The following KDM4C variants were observed in gnomAD, a reference collection of about 807,000 sequenced individuals.
KDM4C encodes the protein lysine demethylase 4C.
Under a neutral mutation model 129.3 loss-of-function variants are expected in KDM4C, and 81 were observed. That is an observed-to-expected ratio of 0.63 (90% CI 0.52 to 0.75). KDM4C has a LOEUF of 0.75. KDM4C is among the 30% of genes least tolerant of loss of function. KDM4C has a pLI of 0.00. For missense variants in KDM4C, 1,457 were observed against 1,304.0 expected (o/e 1.12, Z -1.81); for synonymous variants, 573 against 456.1 (o/e 1.26, Z -3.26).
At position 6,842,444 on chromosome 9, in the gene KDM4C, CTT is replaced by C. The variant is rs557128982; in HGVS notation, c.436-7062_436-7061del. ...CCGCCTCCTGGGTTCACGTGATTCT[CTT>C]GTCTCAGTCTCTTGAGTAGCTGGGA... On this transcript the variant is annotated intron_variant, in intron 4 of 21. Coordinates refer to ENST00000381309, the MANE Select transcript of KDM4C (RefSeq NM_015061.6). Among the ~76,000 whole-genome samples the C allele has an allele frequency of 1.9e-3, 287 of 150,602 alleles. 1 individual carries two copies. The highest frequency in any genetic ancestry group is 6.8e-3 in the African/African-American group (278 of 40,978).
At chr9:7,138,258 G>A (rs1034989206) in intron 19 of KDM4C, among the ~76,000 whole-genome samples, 1 of 152,148 alleles carries the variant, frequency 6.6e-6, no homozygotes, top group Non-Finnish European at 1.5e-5. Context: ...TATAATGCTT[G>A]TTGGTTGTGT....
At chr9:6,895,539 G>T (rs1310921979) in intron 8 of KDM4C, among the ~76,000 whole-genome samples, 1 of 152,174 alleles carries the variant, frequency 6.6e-6, no homozygotes, top group African/African-American at 2.4e-5. Flanking sequence ...GGACATCTTT[G>T]TTGGGGGTGC....
chr9:6,856,045 C>G (rs1453761957), intron 5 of KDM4C, among the ~76,000 whole-genome samples: 2 of 152,082 alleles, frequency 1.3e-5, no homozygotes, highest in African/African-American at 4.8e-5. Context: ...CTGGCCCCAC[C>G]AGTCTTTTAA....
intron 8 of KDM4C, among the ~76,000 whole-genome samples, chr9:6,935,050 A>C (rs1392895305): frequency 6.6e-6 from 1 of 152,090 alleles, no homozygotes; most frequent in African/African-American, 2.4e-5. Context: ...GTTTTGGGGA[A>C]AATTTTCCAG....
At chr9:6,805,801 G>A (rs1829864889) in intron 3 of KDM4C, 27 bp downstream of exon 3, 1 of 1,584,928 alleles carries the variant, frequency 6.3e-7, no homozygotes, top group African/African-American at 1.4e-5. Context: ...TGCTATTTCT[G>A]TTTCCTTCAA....
intron 12 of KDM4C, among the ~76,000 whole-genome samples, chr9:6,991,154 C>T (rs1201626442): frequency 1.3e-5 from 2 of 152,108 alleles, no homozygotes; most frequent in Non-Finnish European, 2.9e-5. Context: ...TCACGGCTCA[C>T]TGCAGCCTCA....
intron 17 of KDM4C, among the ~76,000 whole-genome samples, chr9:7,099,607 C>G (rs1441843842): frequency 6.6e-6 from 1 of 152,228 alleles, no homozygotes; most frequent in African/African-American, 2.4e-5. Context: ...CACTTTTTAA[C>G]CCTGTAGCCT....
intron 5 of KDM4C, among the ~76,000 whole-genome samples, chr9:6,876,491 G>A (rs1044007873): frequency 6.6e-6 from 1 of 152,286 alleles, no homozygotes; most frequent in South Asian, 2.1e-4. Context: ...TGTTTAACGT[G>A]CGTTCCCCTC....
intron 12 of KDM4C, among the ~76,000 whole-genome samples, chr9:7,005,983 G>A (rs151242536): frequency 6.6e-6 from 1 of 152,262 alleles, no homozygotes; most frequent in Admixed American, 6.5e-5. Flanking sequence ...ATATTTTCTA[G>A]TGTGACTTTT....
intron 19 of KDM4C, among the ~76,000 whole-genome samples, chr9:7,146,726 C>A (rs722627): frequency 6.6e-6 from 1 of 151,978 alleles, no homozygotes; most frequent in African/African-American, 2.4e-5. Flanking sequence ...CACCCATCTA[C>A]TTATTAGCCC....
chr9:6,777,931 T>C (rs1479105642), intron 1 of KDM4C, among the ~76,000 whole-genome samples: 2 of 150,640 alleles, frequency 1.3e-5, no homozygotes, highest in Non-Finnish European at 3.0e-5. Flanking sequence ...TTTTTTTTTT[T>C]CTCCCCATAA....
chr9:6,758,321 G>C lies in KDM4C; in HGVS notation c.-18+118G>C, dbSNP rs1818676532. 1 of 547,870 alleles carries C rather than the reference G, an allele frequency of 1.8e-6. No individual in the cohort carries two copies. The highest frequency in any genetic ancestry group is 6.4e-5 in the Admixed American group (1 of 15,712). 33.9% of individuals were successfully genotyped at this position (547,870 alleles called of 1,614,324 possible). ...TGCGGGCGTCCGGGCGAGCGGCGAC[G>C]CTGGGGCAGAGACGCTCCGTCCGTG... On this transcript the variant is annotated intron_variant, in intron 1 of 21. Coordinates refer to ENST00000381309, the MANE Select transcript of KDM4C (RefSeq NM_015061.6). This position sits in a 1 kb window ranked among gnomAD's most constrained non-coding sequence, Gnocchi z 4.6.
chr9:6,908,019 G>C (rs763300410), intron 8 of KDM4C, among the ~76,000 whole-genome samples: 6 of 152,234 alleles, frequency 3.9e-5, no homozygotes, highest in Non-Finnish European at 8.8e-5. Flanking sequence ...TCCTTTGTAA[G>C]GAATGGATTT....
At chr9:6,917,513 G>C (rs1820539191) in intron 8 of KDM4C, among the ~76,000 whole-genome samples, 1 of 152,064 alleles carries the variant, frequency 6.6e-6, no homozygotes, top group Non-Finnish European at 1.5e-5. Flanking sequence ...TCCCCATCTT[G>C]TTCAACTTAG....
intron 8 of KDM4C, among the ~76,000 whole-genome samples, chr9:6,964,353 C>G (rs1227572156): frequency 2.0e-5 from 3 of 151,802 alleles, no homozygotes; most frequent in African/African-American, 4.8e-5. Context: ...GGTTTTCTGT[C>G]CTTGGGATAG....
chr9:6,796,669 C>T (rs573046899), intron 2 of KDM4C, among the ~76,000 whole-genome samples: 41 of 152,236 alleles, frequency 2.7e-4, no homozygotes, highest in African/African-American at 8.9e-4. Flanking sequence ...GAGTCCAGAC[C>T]GTGCCTCATT....
At chr9:7,101,336 G>A (rs1262429723) in intron 17 of KDM4C, among the ~76,000 whole-genome samples, 1 of 151,874 alleles carries the variant, frequency 6.6e-6, no homozygotes, top group Non-Finnish European at 1.5e-5. Flanking sequence ...TTCTGCCAGG[G>A]AGGAAAAAAA....
At chr9:7,021,145 T>TAC in intron 15 of KDM4C, among the ~76,000 whole-genome samples, 1 of 58,216 alleles carries the variant, frequency 1.7e-5, no homozygotes, top group Middle Eastern at 7.2e-3. Flanking sequence ...TGTGTGTATA[T>TAC]ATATATATGT....
chr9:7,047,663 T>G (rs1829601827), intron 16 of KDM4C, among the ~76,000 whole-genome samples: 1 of 151,962 alleles, frequency 6.6e-6, no homozygotes, highest in Non-Finnish European at 1.5e-5. Context: ...TAAGATATGT[T>G]TTGTTGGACC....
Sources: allele counts gnomAD v4.1 joint callset (sites outside exome capture counted in the v4.1 genomes callset), GRCh38; gene constraint gnomAD v4.1.1; non-coding constraint Gnocchi (gnomAD v3.1); transcripts MANE v1.5; gene names NCBI Gene and HGNC (gene_info 2026-07-23, HGNC 2026-07-21).